MAPK10: variants seen among roughly 807,000 people sequenced by gnomAD.
The protein encoded by MAPK10 is mitogen-activated protein kinase 10, also known as JNK3 alpha protein kinase.
MAPK10 carries 25 observed loss-of-function variants against 59.3 expected under a neutral mutation model. The observed-to-expected ratio is 0.42, with a 90% CI of 0.31 to 0.59. The LOEUF (loss-of-function observed/expected upper bound fraction) is 0.59. MAPK10 is among the 20% of genes least tolerant of loss of function. MAPK10 has a pLI of 0.15. For missense variants in MAPK10, 351 were observed against 568.9 expected, an observed-to-expected ratio of 0.62 and a Z score of 3.90; for synonymous variants, 190 against 200.5, an observed-to-expected ratio of 0.95 and a Z score of 0.44.
intron 11 of MAPK10, among the ~76,000 whole-genome samples, chr4:86,050,558 T>C (rs2043316578): frequency 6.6e-6 from 1 of 152,114 alleles, no homozygotes; most frequent in African/African-American, 2.4e-5. Flanking sequence ...TCTACAGTCC[T>C]TTGCTTTGGG....
chr4:86,443,557 C>T (rs1000895964), intron 1 of MAPK10, among the ~76,000 whole-genome samples: 7 of 151,234 alleles, frequency 4.6e-5, no homozygotes, highest in African/African-American at 1.7e-4. Context: ...GGCACAGCCT[C>T]GCTGAAAGAC....
At chr4:86,442,689 T>TC (rs1197742531) in intron 1 of MAPK10, among the ~76,000 whole-genome samples, 3 of 152,030 alleles carry the variant, frequency 2.0e-5, no homozygotes, top group Non-Finnish European at 4.4e-5. Context: ...ATCTGTTTTT[T>TC]CCCACTCTGT....
chr4:86,145,961 C>T (rs527453080), intron 4 of MAPK10, among the ~76,000 whole-genome samples: 3 of 152,158 alleles, frequency 2.0e-5, no homozygotes, highest in South Asian at 2.1e-4. Flanking sequence ...AAAAGGAGTC[C>T]GTCTAAGAAC....
intron 11 of MAPK10, among the ~76,000 whole-genome samples, chr4:86,051,587 C>T (rs1414480645): frequency 2.0e-5 from 3 of 152,110 alleles, no homozygotes; most frequent in Non-Finnish European, 4.4e-5. Context: ...CATCCTACAG[C>T]GTTTAAAGTT....
chr4:86,413,051 T>C (rs1745401710), intron 1 of MAPK10, among the ~76,000 whole-genome samples: 1 of 152,226 alleles, frequency 6.6e-6, no homozygotes, highest in Non-Finnish European at 1.5e-5. Context: ...TATCTACTTT[T>C]GGTCTTTGAT....
intron 13 of MAPK10, among the ~76,000 whole-genome samples, chr4:86,022,674 A>G (rs939094181): frequency 3.3e-5 from 5 of 151,868 alleles, no homozygotes; most frequent in African/African-American, 1.2e-4. Flanking sequence ...CTGGCTAATT[A>G]AAAAAAAGAT....
At chr4:86,156,885 C>T (rs138128317) in intron 4 of MAPK10, among the ~76,000 whole-genome samples, 2 of 152,138 alleles carry the variant, frequency 1.3e-5, no homozygotes, top group East Asian at 3.9e-4. Context: ...TCCCCACCTA[C>T]GAGGCTGTAG....
intron 9 of MAPK10, among the ~76,000 whole-genome samples, chr4:86,097,148 A>G (rs556440941): frequency 6.6e-6 from 1 of 152,174 alleles, no homozygotes; most frequent in Non-Finnish European, 1.5e-5. Flanking sequence ...TTTTAAAAAT[A>G]TCTTCAAAAT....
chr4:86,357,680 G>A (rs1326375113), intron 1 of MAPK10: 4 of 152,146 alleles, frequency 2.6e-5, no homozygotes, highest in African/African-American at 9.7e-5. Flanking sequence ...TCTGGGATCT[G>A]TTCATAAACA....
At chr4:86,079,483 T>A (rs946587182) in intron 9 of MAPK10, 5 of 152,160 alleles carry the variant, frequency 3.3e-5, no homozygotes, top group Non-Finnish European at 5.9e-5. Flanking sequence ...TTTTATTTTT[T>A]GTAAATAGCA....
rs1210396667 is a variant in MAPK10 at position 86,268,807 on chromosome 4, C to A, written c.-6-74400G>T. On this transcript the variant is annotated intron_variant, in intron 2 of 13. Coordinates refer to ENST00000641462, the MANE Select transcript of MAPK10 (RefSeq NM_138982.4). The stretch of plus-strand genomic sequence containing the variant: ...CTTGTCACTTTCTTGTATATTATCC[C>A]ATTTTTAAATGCATCATAGCATGTA... 2.0e-5 allele frequency among the ~76,000 whole-genome samples: 3 copies of A among 152,054 alleles called. No homozygotes were observed. In the East Asian group the frequency reaches 5.8e-4, roughly 29 times the overall value.
intron 1 of MAPK10, among the ~76,000 whole-genome samples, chr4:86,401,016 T>TA (rs1743638400): frequency 6.6e-6 from 1 of 152,106 alleles, no homozygotes; most frequent in South Asian, 2.1e-4. Flanking sequence ...AATTGTAACT[T>TA]AAAAAATTAC....
chr4:86,426,049 A>G (rs1277726905), intron 1 of MAPK10, among the ~76,000 whole-genome samples: 3 of 152,198 alleles, frequency 2.0e-5, no homozygotes. Flanking sequence ...GTTTGTTTCA[A>G]AAAGTCTCTG....
At chr4:86,443,347 T>A (rs1173464104) in intron 1 of MAPK10, among the ~76,000 whole-genome samples, 6 of 151,972 alleles carry the variant, frequency 3.9e-5, no homozygotes, top group Non-Finnish European at 8.8e-5. Flanking sequence ...CAGGAGAAAC[T>A]ATTTTACCAG....
chr4:86,064,129 G>T, intron 11 of MAPK10, 137 bp downstream of exon 11: 1 of 989,778 alleles, frequency 1.0e-6, no homozygotes, highest in Non-Finnish European at 1.5e-6. Context: ...AGCTTTTAGA[G>T]GGGCAGATAA....
chr4:86,264,722 G>T (rs997484851), intron 2 of MAPK10, among the ~76,000 whole-genome samples: 1 of 152,098 alleles, frequency 6.6e-6, no homozygotes, highest in South Asian at 2.1e-4. Flanking sequence ...GAAACTGAAT[G>T]GTTGAGAAAG....
At chr4:86,509,081 G>A (rs1756010699) in intron 1 of MAPK10, among the ~76,000 whole-genome samples, 1 of 150,624 alleles carries the variant, frequency 6.6e-6, no homozygotes, top group Admixed American at 6.6e-5. Context: ...TTTTTCATTT[G>A]TGTTAAGATA....
In MAPK10 at chr4:86,334,761, A is replaced by AGC. The variant is rs1237296549; in HGVS notation, c.-7+19768_-7+19769insGC. Among the ~76,000 whole-genome samples the AGC allele has an allele frequency of 5.9e-3, 894 of 151,470 alleles. 5 individuals are homozygous for AGC. Among genetic ancestry groups the AGC allele is most frequent in the Admixed American group, 0.011 (168 of 15,192 alleles). ...CTATGCTCATTAAAAAAACAACAAAAAAAAAAACTAACTGCAGTCTCCTGA... is the reference window on the plus strand; with the variant it reads ...CTATGCTCATTAAAAAAACAACAAAAGCAAAAAAACTAACTGCAGTCTCCTGA... On this transcript the variant is annotated intron_variant, in intron 2 of 13. Coordinates refer to ENST00000641462, the MANE Select transcript of MAPK10 (RefSeq NM_138982.4).
At chr4:86,491,348 T>C (rs1236710412) in intron 1 of MAPK10, among the ~76,000 whole-genome samples, 2 of 152,092 alleles carry the variant, frequency 1.3e-5, no homozygotes, top group Non-Finnish European at 2.9e-5. Context: ...GGTACCAGAG[T>C]ACCTGCTCAG....
Sources: allele counts gnomAD v4.1 joint callset (sites outside exome capture counted in the v4.1 genomes callset), GRCh38; gene constraint gnomAD v4.1.1; transcripts MANE v1.5; gene names NCBI Gene and HGNC (gene_info 2026-07-23, HGNC 2026-07-21).